The following PANK4 variants were observed in gnomAD, a reference collection of about 807,000 sequenced individuals.
PANK4 encodes 4'-phosphopantetheine phosphatase.
Under a neutral mutation model 87.9 loss-of-function variants are expected in PANK4, and 40 were observed. The observed-to-expected ratio is 0.46, with a 90% confidence interval of 0.35 to 0.59. The LOEUF (loss-of-function observed/expected upper bound fraction) is 0.59, where lower values mean the gene tolerates loss of function less well. Among genes scored for constraint, PANK4 ranks in the 20% least tolerant of loss-of-function variants. The probability of loss-of-function intolerance (pLI) is 0.00; values close to 1 mark genes in which losing one functional copy is unlikely to be tolerated. For synonymous variants in PANK4, 524 were observed against 467.4 expected (o/e 1.12, Z -1.56); for missense variants, 926 against 1,072.3 (o/e 0.86, Z 1.90).
chr1:2,524,486 G>A (rs1159316558), intron 1 of PANK4, among the ~76,000 whole-genome samples: 1 of 152,220 alleles, frequency 6.6e-6, no homozygotes, highest in Non-Finnish European at 1.5e-5. Flanking sequence ...ACAGGACCCA[G>A]ACGCAGGGAG....
Position 2,510,474 on chromosome 1 carries a change from T to C in PANK4, c.1938+204A>G, listed in dbSNP as rs1479626210. On this transcript the variant is annotated intron_variant, in intron 16 of 18. Transcript: ENST00000378466. This position sits in a 1 kb window ranked among gnomAD's most constrained non-coding sequence, Gnocchi z 4.9. Reference sequence around the variant, plus strand: ...GGCGTCAACCCTGGGCTTCAGCACATGGACCCTCAGCCTGAGCCCAGGGGG... The same window carrying C: ...GGCGTCAACCCTGGGCTTCAGCACACGGACCCTCAGCCTGAGCCCAGGGGG... 2 of 602,026 alleles carry C rather than the reference T, an allele frequency of 3.3e-6. No homozygotes were observed. Among genetic ancestry groups the C allele is most frequent in the Non-Finnish European group, 5.9e-6 (2 of 338,448 alleles). 37.3% of individuals were successfully genotyped at this position (602,026 alleles called of 1,614,324 possible).
Position 2,515,730 on chromosome 1 carries a change from C to A in PANK4, c.1219-13G>T, listed in dbSNP as rs373604063. The A allele has an allele frequency of 6.2e-7, 1 of 1,611,968 alleles. No homozygotes were observed. The highest frequency in any genetic ancestry group is 1.1e-5 in the South Asian group (1 of 91,004). ...CCAGCAAGTCAAACTGGAAGACAGG[C>A]AGTGGCAGGGTGGAAACGTCACCAT... On this transcript the variant is annotated splice_polypyrimidine_tract_variant and intron_variant, in intron 9 of 18. Transcript: ENST00000378466. The surrounding 1 kb of genome is among the most constrained non-coding windows in gnomAD (Gnocchi z 5.0).
In PANK4 at chr1:2,515,610, A is replaced by G. The variant is rs1643756522; in HGVS notation, c.1326T>C (p.Ala442=). The change falls in exon 10 of 19, where the codon GCT becomes GCC. Residue 442 remains alanine (A), a synonymous_variant. Coordinates refer to ENST00000378466, the MANE Select transcript of PANK4 (RefSeq NM_018216.4). The surrounding 1 kb of genome is among the most constrained non-coding windows in gnomAD (Gnocchi z 5.0). ...AGGTGAGCCAGTATTTTCGGGCCAG[A>G]GCGTCATCGGTGAGGTCCACCGTGT... is the stretch of plus-strand genomic sequence containing the variant. ...VPDTVDLTDD[A]LARKYWLTCF... is the part of the protein sequence containing the mutation. 1 of 1,613,152 alleles carries G rather than the reference A, an allele frequency of 6.2e-7. No individual in the cohort carries two copies. Among genetic ancestry groups the G allele is most frequent in the Non-Finnish European group, 8.5e-7 (1 of 1,179,990 alleles).
chr1:2,522,063 C>T, intron 1 of PANK4: 1 of 526,154 alleles, frequency 1.9e-6, no homozygotes, highest in Non-Finnish European at 3.4e-6. Flanking sequence ...TTCCCCTTGG[C>T]ACCAAGTCCT....
At chr1:2,521,881 G>T in intron 1 of PANK4, 81 bp from the exon 2 acceptor site, 1 of 1,061,498 alleles carries the variant, frequency 9.4e-7, no homozygotes, top group Non-Finnish European at 1.5e-6. Context: ...CACTCTCTGG[G>T]TGTCCTGGAG....
At position 2,519,849 on chromosome 1, in the gene PANK4, C is replaced by A; in HGVS notation, c.805G>T (p.Gly269Trp). 6.3e-7 allele frequency: 1 copy of A among 1,575,168 alleles called. No individual in the cohort carries two copies. Among genetic ancestry groups the A allele is most frequent in the East Asian group, 2.3e-5 (1 of 42,812 alleles). The change falls in exon 6 of 19, where the codon GGG (glycine) becomes TGG (tryptophan). Residue 269 changes from glycine (G) to tryptophan (W), a missense_variant. Coordinates refer to ENST00000378466, the MANE Select transcript of PANK4 (RefSeq NM_018216.4). This position sits in a 1 kb window ranked among gnomAD's most constrained non-coding sequence, Gnocchi z 8.3. ...CCGAAGCTGCTGGCGATGAGGTTCC[C>A]GCTCAGCCCGAGAGTCTGGTGGGCG... ...GGAHQTLGLS[G>W]NLIASSFGKS...
Position 2,518,550 on chromosome 1 carries a change from G to A in PANK4, c.1083C>T (p.Ala361=), listed in dbSNP as rs1643826851. Residue 361 remains alanine (A), a synonymous_variant, in exon 8 of 19, where the codon GCC becomes GCT. Coordinates refer to ENST00000378466, the MANE Select transcript of PANK4 (RefSeq NM_018216.4). ...CAGCTCCTTTCAGGAACGCTCCGAT[G>A]GCTCCCAGGTAGCCTTCGTGCCTCA... ...LFLRHEGYLG[A]IGAFLKGAEQ... 6.4e-7 allele frequency: 1 copy of A among 1,574,428 alleles called. No homozygotes were observed. Among genetic ancestry groups the A allele is most frequent in the Non-Finnish European group, 8.6e-7 (1 of 1,159,862 alleles).
rs1263420629 is a variant in PANK4, at chr1:2,509,843, G to A, written c.2108+19C>T. The stretch of plus-strand genomic sequence containing the variant: ...ACAGAGCCCAGGAGGGAGAGAACAG[G>A]TGCAGGGTGCGGGGTTACCTGAGGT... On this transcript the variant is annotated intron_variant, in intron 18 of 18. Transcript: ENST00000378466. The surrounding 1 kb of genome is among the most constrained non-coding windows in gnomAD (Gnocchi z 4.9). The A allele has an allele frequency of 1.2e-6, 2 of 1,606,828 alleles. No homozygotes were observed. Among genetic ancestry groups the A allele is most frequent in the Non-Finnish European group, 1.7e-6 (2 of 1,176,206 alleles).
In PANK4 at chr1:2,520,183, G is replaced by A. The variant is rs771807634; in HGVS notation, c.699+139C>T. 21 of 829,398 alleles carry A rather than the reference G, an allele frequency of 2.5e-5. No homozygotes were observed. Among genetic ancestry groups the A allele is most frequent in the Admixed American group, 1.4e-4 (6 of 43,964 alleles). 51.4% of individuals were successfully genotyped at this position (829,398 alleles called of 1,614,324 possible). On this transcript the variant is annotated intron_variant, in intron 5 of 18. Transcript: ENST00000378466. This position sits in a 1 kb window ranked among gnomAD's most constrained non-coding sequence, Gnocchi z 6.2. Reference sequence around the variant, plus strand: ...CCCTCAGGGCGCAAAGAGTGAAGCCGCAGAGGCCAGAGACCCACTGACGCG... The same window carrying A: ...CCCTCAGGGCGCAAAGAGTGAAGCCACAGAGGCCAGAGACCCACTGACGCG...
In PANK4 at chr1:2,509,759, G is replaced by T. The variant is rs1643627765; in HGVS notation, c.2108+103C>A. On this transcript the variant is annotated intron_variant, in intron 18 of 18. Transcript: ENST00000378466. The surrounding 1 kb of genome is among the most constrained non-coding windows in gnomAD (Gnocchi z 4.9). Reference sequence around the variant, plus strand: ...GCCTGGGGTCAGGAGAGGCCGCAGGGGCAGTCCTGAGGTCGGTGTCCCGCA... The same window carrying T: ...GCCTGGGGTCAGGAGAGGCCGCAGGTGCAGTCCTGAGGTCGGTGTCCCGCA... The T allele has an allele frequency of 2.0e-6, 2 of 987,926 alleles. No homozygotes were observed. Among genetic ancestry groups the T allele is most frequent in the Non-Finnish European group, 3.2e-6 (2 of 630,316 alleles). 61.2% of individuals were successfully genotyped at this position (987,926 alleles called of 1,614,324 possible). A position where few individuals can be genotyped will look rare whatever the true frequency, so the allele number is the denominator to read the frequency against.
intron 1 of PANK4, 52 bp from the exon 2 acceptor site, chr1:2,521,852 C>CATGGACCCCCAGGCCCCG: frequency 7.0e-7 from 1 of 1,421,896 alleles, no homozygotes; most frequent in Non-Finnish European, 9.9e-7. Flanking sequence ...CACAGCGGGG[C>CATGGACCCCCAGGCCCCG]CTGGGGGTCC....
chr1:2,511,713 G>C (rs1414482085), intron 13 of PANK4, 30 bp from the exon 14 acceptor site: 1 of 1,458,866 alleles, frequency 6.9e-7, no homozygotes, highest in African/African-American at 1.4e-5. Context: ...AGAAAATTAA[G>C]ACAACAGAAC....
chr1:2,524,217 G>C (rs1004473120), intron 1 of PANK4, among the ~76,000 whole-genome samples: 1 of 152,206 alleles, frequency 6.6e-6, no homozygotes, highest in South Asian at 2.1e-4. Flanking sequence ...CTGCTCAGCA[G>C]ACATCAGCGT....
In PANK4 at chr1:2,526,591, G is replaced by C. The variant is rs1643928349; in HGVS notation, c.-4C>G. ...CGCTCGCTCCACACTCCGCCATTTT[G>C]AAAGTGCCCGGCCAGCTCATCAGCC... On this transcript the variant is annotated 5_prime_UTR_variant, in exon 1 of 19. Transcript: ENST00000378466. 2 of 1,599,696 alleles carry C rather than the reference G, an allele frequency of 1.3e-6. No homozygotes were observed. The highest frequency in any genetic ancestry group is 1.1e-5 in the South Asian group (1 of 89,614).
intron 1 of PANK4, among the ~76,000 whole-genome samples, chr1:2,522,442 T>C (rs1026303772): frequency 3.9e-5 from 6 of 152,226 alleles, no homozygotes; most frequent in Admixed American, 6.5e-5. Flanking sequence ...AGAAGCCCTG[T>C]GGCTTCCAGG....
chr1:2,511,688 A>T lies in PANK4; in HGVS notation c.1728-5T>A. 1 of 1,589,366 alleles carries T rather than the reference A, an allele frequency of 6.3e-7. No homozygotes were observed. The highest frequency in any genetic ancestry group is 8.6e-7 in the Non-Finnish European group (1 of 1,157,976). On this transcript the variant is annotated splice_region_variant and splice_polypyrimidine_tract_variant and intron_variant, in intron 13 of 18. Transcript: ENST00000378466. ...TAGGGGTCGGATTCAAGGACACTGC[A>T]TGGAGGAGGAGAAAAGAAAATTAAG...
At chr1:2,525,562 C>A (rs1170803977) in intron 1 of PANK4, 2 of 152,214 alleles carry the variant, frequency 1.3e-5, no homozygotes, top group Admixed American at 6.5e-5. Context: ...CCTGGTTCTG[C>A]CACTTTCTAG....
intron 15 of PANK4, 107 bp downstream of exon 15, chr1:2,511,231 G>A (rs537707526): frequency 4.0e-6 from 3 of 756,348 alleles, no homozygotes; most frequent in Admixed American, 3.9e-5. Flanking sequence ...GACTCTAACA[G>A]GAGGGGAGGG....
rs1384330535 is a variant in PANK4 at position 2,520,334 on chromosome 1, G to A, written c.687C>T (p.Leu229=). ...AGCTGCCGCATACCTTCGTTTTGGT[G>A]AGCAGAGCGCCAAGCCCCCAGAAGG... ...GGTFWGLGAL[L]TKTKKFDELL... Residue 229 remains leucine, a synonymous_variant, in exon 5 of 19, where the codon CTC becomes CTT. Transcript: ENST00000378466. The surrounding 1 kb of genome is among the most constrained non-coding windows in gnomAD (Gnocchi z 6.2). The A allele has an allele frequency of 1.9e-6, 3 of 1,612,810 alleles. No individual in the cohort carries two copies. The highest frequency in any genetic ancestry group is 1.7e-5 in the Admixed American group (1 of 60,024).
Sources: allele counts gnomAD v4.1 joint callset (sites outside exome capture counted in the v4.1 genomes callset), GRCh38; gene constraint gnomAD v4.1.1; non-coding constraint Gnocchi (gnomAD v3.1); transcripts MANE v1.5; gene names NCBI Gene and HGNC (gene_info 2026-07-23, HGNC 2026-07-21).